XPO1: variants seen among roughly 807,000 people sequenced by gnomAD.
The protein encoded by XPO1 is exportin-1.
XPO1 carries 5 observed loss-of-function variants against 133.3 expected under a neutral mutation model. The observed-to-expected ratio is 0.04, with a 90% CI of 0.02 to 0.08. The LOEUF (loss-of-function observed/expected upper bound fraction) is 0.08. Ranked by LOEUF, XPO1 falls within the 10% of genes least tolerant of loss-of-function variation. XPO1 has a pLI of 1.00. For synonymous variants in XPO1, 419 were observed against 408.2 expected (o/e 1.03, Z -0.32); for missense variants, 506 against 1,267.5 (o/e 0.40, Z 9.12).
intron 2 of XPO1, among the ~76,000 whole-genome samples, chr2:61,527,090 T>C (rs1400933899): frequency 6.6e-6 from 1 of 152,096 alleles, no homozygotes; most frequent in East Asian, 1.9e-4. Context: ...TATTTTTTAG[T>C]CTCAAAACTG....
intron 17 of XPO1, among the ~76,000 whole-genome samples, chr2:61,489,888 T>G (rs1468202118): frequency 1.3e-5 from 2 of 149,234 alleles, no homozygotes; most frequent in African/African-American, 4.9e-5. Context: ...GAATGGAAAT[T>G]ACAGTATTTT....
intron 4 of XPO1, among the ~76,000 whole-genome samples, chr2:61,520,582 T>G (rs1698641157): frequency 6.6e-6 from 1 of 152,118 alleles, no homozygotes; most frequent in African/African-American, 2.4e-5. Flanking sequence ...ACCGCAGCTA[T>G]TTGAAGCTGC....
rs1355367606 is a variant in XPO1, at chr2:61,482,033, CCTTTTTT to C, written c.2972+340_2972+346del. On this transcript the variant is annotated intron_variant, in intron 23 of 24. Coordinates refer to ENST00000401558, the MANE Select transcript of XPO1 (RefSeq NM_003400.4). ...TACAGTCATGAGCCACCGTGCGTGG[CCTTTTTT>C]TTTTTTTTTTTTTTTTTGCTTTTTT... Among the ~76,000 whole-genome samples, 58 of 86,836 alleles carry C rather than the reference CCTTTTTT, an allele frequency of 6.7e-4. 4 individuals are homozygous for C. The highest frequency in any genetic ancestry group is 4.8e-3 in the South Asian group (10 of 2,096). 57.0% of individuals were successfully genotyped at this position (86,836 alleles called of 152,430 possible). A position where few individuals can be genotyped will look rare whatever the true frequency, so the allele number is the denominator to read the frequency against.
In XPO1 at chr2:61,494,204, A is replaced by C. The variant is rs1697129246; in HGVS notation, c.1048-113T>G. 1.8e-5 allele frequency: 18 copies of C among 990,768 alleles called. No individual in the cohort carries two copies. The East Asian group carries it at 4.6e-4, about 26-fold the overall frequency. 61.4% of individuals were successfully genotyped at this position (990,768 alleles called of 1,614,324 possible). A position where few individuals can be genotyped will look rare whatever the true frequency, so the allele number is the denominator to read the frequency against. ...AAAAATTCATGTTTTATTCATCACA[A>C]CTCAGATTTCAATACTTATCAAATA... On this transcript the variant is annotated intron_variant, in intron 11 of 24. Transcript: ENST00000401558.
At chr2:61,500,312 A>G (rs1345332755) in intron 6 of XPO1, among the ~76,000 whole-genome samples, 1 of 151,616 alleles carries the variant, frequency 6.6e-6, no homozygotes, top group Non-Finnish European at 1.5e-5. Context: ...TGGGCGTGGT[A>G]GCTCGTGCCT....
chr2:61,530,781 TA>T (rs1699117807), intron 2 of XPO1, among the ~76,000 whole-genome samples: 1 of 151,880 alleles, frequency 6.6e-6, no homozygotes, highest in Non-Finnish European at 1.5e-5. Context: ...TTTAAAAGCT[TA>T]ATTAGCATAA....
At chr2:61,517,321 T>C (rs1242828203) in intron 4 of XPO1, among the ~76,000 whole-genome samples, 1 of 152,188 alleles carries the variant, frequency 6.6e-6, no homozygotes, top group East Asian at 1.9e-4. Flanking sequence ...AGTGGTGATA[T>C]ACCTGTAACC....
chr2:61,486,231 G>A (rs1435173257), intron 19 of XPO1, among the ~76,000 whole-genome samples: 1 of 151,986 alleles, frequency 6.6e-6, no homozygotes, highest in Non-Finnish European at 1.5e-5. Flanking sequence ...CCAGAGTGCA[G>A]TGGCAAATCT....
At position 61,483,864 on chromosome 2, in the gene XPO1, T is replaced by G. The variant is rs539337020; in HGVS notation, c.2677+73A>C. ...TCAAAACTCTGAACAAGTAATACCT[T>G]CCTATGTACAATTAACTATATTTGT... On this transcript the variant is annotated intron_variant, in intron 21 of 24. Transcript: ENST00000401558. The G allele has an allele frequency of 1.6e-5, 24 of 1,512,210 alleles. No homozygotes were observed. In the East Asian group the frequency reaches 5.4e-4, roughly 34 times the overall value. The allele number at this position is 1,512,210 out of a possible 1,614,324, so 93.7% of individuals were successfully genotyped here. A position where few individuals can be genotyped will look rare whatever the true frequency, so the allele number is the denominator to read the frequency against.
At chr2:61,505,750 G>T (rs1381140883) in intron 4 of XPO1, among the ~76,000 whole-genome samples, 4 of 151,976 alleles carry the variant, frequency 2.6e-5, no homozygotes, top group African/African-American at 9.7e-5. Context: ...CTAGAGATGG[G>T]GTTTCACCAT....
At chr2:61,522,583 C>A (rs2104749947) in intron 4 of XPO1, 28 bp downstream of exon 4, 1 of 1,594,398 alleles carries the variant, frequency 6.3e-7, no homozygotes, top group Admixed American at 1.7e-5. Flanking sequence ...AAACAAAACT[C>A]TGAATTTATA....
At chr2:61,508,797 TTACA>T (rs1256586989) in intron 4 of XPO1, among the ~76,000 whole-genome samples, 1 of 152,232 alleles carries the variant, frequency 6.6e-6, no homozygotes, top group African/African-American at 2.4e-5. Context: ...CATCAGCATC[TTACA>T]TAGTCAGTGA....
At chr2:61,486,727 A>G (rs981607454) in intron 19 of XPO1, among the ~76,000 whole-genome samples, 2 of 152,160 alleles carry the variant, frequency 1.3e-5, no homozygotes, top group Non-Finnish European at 2.9e-5. Flanking sequence ...GTTTTAATCT[A>G]ATGAATGCTA....
intron 3 of XPO1, chr2:61,525,288 C>G (rs1698867137): frequency 1.0e-6 from 1 of 985,690 alleles, no homozygotes; most frequent in Non-Finnish European, 1.2e-6. Flanking sequence ...GGCCTGCCGT[C>G]AAAGCCTAGC....
At chr2:61,528,733 T>TA (rs1699020883) in intron 2 of XPO1, among the ~76,000 whole-genome samples, 5 of 115,830 alleles carry the variant, frequency 4.3e-5, no homozygotes, top group Admixed American at 9.8e-5. Context: ...GACATTTTAT[T>TA]TATATATATA....
intron 4 of XPO1, among the ~76,000 whole-genome samples, chr2:61,507,243 C>CAAAGAAAAA (rs1697869956): frequency 4.6e-5 from 3 of 65,508 alleles, no homozygotes; most frequent in South Asian, 6.2e-4. Context: ...GACTCCATCT[C>CAAAGAAAAA]AAAAAAAAAA....
At chr2:61,483,323 G>A (rs1696495798) in intron 21 of XPO1, 1 of 445,344 alleles carries the variant, frequency 2.2e-6, no homozygotes, top group Admixed American at 4.1e-5. Context: ...CTGTGAAGAT[G>A]TAAAGGCATA....
intron 23 of XPO1, among the ~76,000 whole-genome samples, chr2:61,482,050 T>TTTTTTTTTTTTC (rs1696396818): frequency 6.7e-6 from 1 of 148,262 alleles, no homozygotes; most frequent in Admixed American, 6.7e-5. Context: ...TTTTTTTTTT[T>TTTTTTTTTTTTC]TTTTTTTGCT....
intron 2 of XPO1, among the ~76,000 whole-genome samples, chr2:61,530,598 T>A (rs966922734): frequency 3.3e-5 from 5 of 151,980 alleles, no homozygotes; most frequent in African/African-American, 9.7e-5. Flanking sequence ...TAACAGAGGG[T>A]AGAGGGTAGT....
Sources: allele counts gnomAD v4.1 joint callset (sites outside exome capture counted in the v4.1 genomes callset), GRCh38; gene constraint gnomAD v4.1.1; transcripts MANE v1.5; gene names NCBI Gene and HGNC (gene_info 2026-07-23, HGNC 2026-07-21).